The following ARHGAP24 variants were observed in gnomAD, a reference collection of about 807,000 sequenced individuals.
ARHGAP24 encodes the protein Rho GTPase activating protein 24.
Under a neutral mutation model 76.4 loss-of-function variants are expected in ARHGAP24, and 50 were observed. That is an observed-to-expected ratio of 0.65 (90% confidence interval 0.52 to 0.83). The LOEUF is 0.83. Ranked by LOEUF, ARHGAP24 falls within the 40% of genes least tolerant of loss-of-function variation. The probability of loss-of-function intolerance (pLI) is 0.00; values close to 1 mark genes in which losing one functional copy is unlikely to be tolerated. For synonymous variants in ARHGAP24, 345 were observed against 323.3 expected (o/e 1.07, Z -0.72); for missense variants, 930 against 914.2 (o/e 1.02, Z -0.22).
chr4:85,816,154 A>G (rs1300490556), intron 3 of ARHGAP24, among the ~76,000 whole-genome samples: 1 of 152,218 alleles, frequency 6.6e-6, no homozygotes, highest in African/African-American at 2.4e-5. Flanking sequence ...ACAGAGCCGA[A>G]CCATATCAGA....
At chr4:85,670,069 T>C (rs1722773047) in intron 2 of ARHGAP24, among the ~76,000 whole-genome samples, 1 of 151,954 alleles carries the variant, frequency 6.6e-6, no homozygotes, top group Non-Finnish European at 1.5e-5. Context: ...CTGCAAACTT[T>C]ATTTTACCCC....
chr4:85,730,246 G>A (rs1725348655), intron 3 of ARHGAP24, among the ~76,000 whole-genome samples: 1 of 152,158 alleles, frequency 6.6e-6, no homozygotes, highest in African/African-American at 2.4e-5. Context: ...ATTAATAGGA[G>A]ATGGGATGTG....
At chr4:85,874,581 T>G (rs1395318187) in intron 3 of ARHGAP24, among the ~76,000 whole-genome samples, 1 of 151,768 alleles carries the variant, frequency 6.6e-6, no homozygotes, top group African/African-American at 2.4e-5. Context: ...GTTAGTATTC[T>G]GGGGAAAGTC....
At chr4:85,860,858 T>G (rs1731851663) in intron 3 of ARHGAP24, among the ~76,000 whole-genome samples, 1 of 152,066 alleles carries the variant, frequency 6.6e-6, no homozygotes, top group African/African-American at 2.4e-5. Flanking sequence ...CTTACTGATA[T>G]TTTGAATAAA....
In ARHGAP24 at chr4:85,747,346, C is replaced by CA. The variant is rs201970961; in HGVS notation, c.268+25382dup. Among the ~76,000 whole-genome samples, 592 of 151,112 alleles carry CA rather than the reference C, an allele frequency of 3.9e-3. 1 individual carries two copies. The highest frequency in any genetic ancestry group is 0.014 in the African/African-American group (560 of 41,192). Reference sequence around the variant, plus strand: ...TAGATATCTTTTGTATTTTATTTAGCAAAAAAAAGCACTAAGCACAAATAA... The same window carrying CA: ...TAGATATCTTTTGTATTTTATTTAGCAAAAAAAAAGCACTAAGCACAAATAA... On this transcript the variant is annotated intron_variant, in intron 3 of 9. Transcript: ENST00000395184.
chr4:85,568,878 G>T (rs1726957825), intron 1 of ARHGAP24, among the ~76,000 whole-genome samples: 1 of 152,180 alleles, frequency 6.6e-6, no homozygotes, highest in African/African-American at 2.4e-5. Flanking sequence ...GTGATAGATT[G>T]AAATATATGC....
chr4:85,587,908 G>A (rs749218810), intron 2 of ARHGAP24, among the ~76,000 whole-genome samples: 3 of 152,164 alleles, frequency 2.0e-5, no homozygotes, highest in African/African-American at 7.2e-5. Context: ...CTACTATGAG[G>A]AAAATAGAGA....
At chr4:85,633,371 T>C (rs1721220391) in intron 2 of ARHGAP24, among the ~76,000 whole-genome samples, 1 of 151,984 alleles carries the variant, frequency 6.6e-6, no homozygotes, top group Non-Finnish European at 1.5e-5. Context: ...TTTGGCAAAT[T>C]AGCATATAGT....
At chr4:85,665,840 G>A (rs1484986093) in intron 2 of ARHGAP24, among the ~76,000 whole-genome samples, 1 of 152,120 alleles carries the variant, frequency 6.6e-6, no homozygotes, top group Non-Finnish European at 1.5e-5. Context: ...GTTGAATATT[G>A]GCCCCCACTC....
intron 3 of ARHGAP24, among the ~76,000 whole-genome samples, chr4:85,794,399 C>A (rs1456340933): frequency 6.6e-6 from 1 of 152,152 alleles, no homozygotes; most frequent in Non-Finnish European, 1.5e-5. Flanking sequence ...ATGATGTGTA[C>A]AAAGGGAGAA....
intron 3 of ARHGAP24, among the ~76,000 whole-genome samples, chr4:85,914,223 A>T (rs1015276634): frequency 2.0e-5 from 3 of 152,242 alleles, no homozygotes; most frequent in African/African-American, 7.2e-5. Context: ...GGAATAAGAC[A>T]TGAATACAAG....
intron 4 of ARHGAP24, among the ~76,000 whole-genome samples, chr4:85,926,757 C>T (rs1736043379): frequency 7.2e-6 from 1 of 138,532 alleles, no homozygotes; most frequent in East Asian, 2.2e-4. Flanking sequence ...TGTTTTAGTT[C>T]AACCTCACAT....
chr4:85,481,589 A>G (rs985801315), intron 1 of ARHGAP24, among the ~76,000 whole-genome samples: 1 of 152,204 alleles, frequency 6.6e-6, no homozygotes, highest in Non-Finnish European at 1.5e-5. Flanking sequence ...GAATCAATCT[A>G]TAGTGATTAG....
chr4:85,866,125 T>C (rs962135656), intron 3 of ARHGAP24, among the ~76,000 whole-genome samples: 3 of 152,148 alleles, frequency 2.0e-5, no homozygotes, highest in Non-Finnish European at 4.4e-5. Flanking sequence ...GATGCAATAT[T>C]GATTTGAGAA....
At chr4:85,831,581 G>A (rs1729995759) in intron 3 of ARHGAP24, among the ~76,000 whole-genome samples, 1 of 152,152 alleles carries the variant, frequency 6.6e-6, no homozygotes, top group East Asian at 1.9e-4. Flanking sequence ...ACACCAATGT[G>A]TTCAGAGGGA....
At chr4:85,834,022 A>G (rs1730135878) in intron 3 of ARHGAP24, among the ~76,000 whole-genome samples, 4 of 152,250 alleles carry the variant, frequency 2.6e-5, no homozygotes. Context: ...TACGAAGTTT[A>G]GCTGAGAAAA....
intron 3 of ARHGAP24, among the ~76,000 whole-genome samples, chr4:85,848,160 A>G (rs889082581): frequency 2.0e-5 from 2 of 102,376 alleles, no homozygotes; most frequent in East Asian, 2.8e-4. Context: ...GCCAAATTGT[A>G]TATTTACATG....
intron 3 of ARHGAP24, among the ~76,000 whole-genome samples, chr4:85,741,634 T>C (rs1381133124): frequency 6.6e-6 from 1 of 152,186 alleles, no homozygotes; most frequent in East Asian, 1.9e-4. Context: ...GTTACCTGGA[T>C]GTGGGCCATT....
At chr4:85,543,857 G>C (rs1725802853) in intron 1 of ARHGAP24, among the ~76,000 whole-genome samples, 2 of 152,092 alleles carry the variant, frequency 1.3e-5, no homozygotes, top group Admixed American at 6.5e-5. Context: ...AGTTTTAGTA[G>C]TAGTCGTAGT....
Sources: gnomAD v4.1 joint callset for allele counts (sites outside exome capture counted in the v4.1 genomes callset) on GRCh38, gnomAD v4.1.1 for gene constraint, MANE v1.5 for transcripts, NCBI Gene and HGNC (gene_info 2026-07-23, HGNC 2026-07-21) for gene names.